The following HS6ST3 variants were observed in gnomAD, a reference collection of about 807,000 sequenced individuals.
The protein encoded by HS6ST3 is heparan sulfate 6-O-sulfotransferase 3.
In HS6ST3, 12 loss-of-function variants were observed where a neutral mutation model predicts 36.7. That is an observed-to-expected ratio of 0.33 (90% CI 0.21 to 0.53). HS6ST3 has a LOEUF of 0.53. Among genes scored for constraint, HS6ST3 ranks in the 20% least tolerant of loss-of-function variants. HS6ST3 has a pLI of 0.95. For synonymous variants in HS6ST3, 240 were observed against 257.5 expected (o/e 0.93, Z 0.65); for missense variants, 584 against 640.9 (o/e 0.91, Z 0.96).
At chr13:96,693,533 T>G (rs1278895807) in intron 1 of HS6ST3, among the ~76,000 whole-genome samples, 2 of 152,078 alleles carry the variant, frequency 1.3e-5, no homozygotes, top group Non-Finnish European at 2.9e-5. Flanking sequence ...GAACTCCTGA[T>G]CTCAAGTGAT....
intron 1 of HS6ST3, among the ~76,000 whole-genome samples, chr13:96,202,711 G>A (rs2054348985): frequency 6.6e-6 from 1 of 152,098 alleles, no homozygotes; most frequent in Non-Finnish European, 1.5e-5. Flanking sequence ...AAAATTTTAG[G>A]AACCCATCTC....
intron 1 of HS6ST3, among the ~76,000 whole-genome samples, chr13:96,720,066 C>A (rs960827428): frequency 1.3e-5 from 2 of 152,094 alleles, no homozygotes; most frequent in Non-Finnish European, 2.9e-5. Context: ...TCTTTGTTTC[C>A]CCACTCCTCC....
Position 96,177,927 on chromosome 13 carries a change from G to GAA in HS6ST3, c.707+86359_707+86360insAA, listed in dbSNP as rs1451094995. The stretch of plus-strand genomic sequence containing the variant: ...AAATAAACAATTGTGGTTTTAAAAT[G>GAA]ATCATTTATAGGACAATTCAACACT... On this transcript the variant is annotated intron_variant, in intron 1 of 1. Transcript: ENST00000376705. 2.0e-5 allele frequency among the ~76,000 whole-genome samples: 3 copies of GAA among 152,132 alleles called. No individual in the cohort carries two copies. In the East Asian group the frequency reaches 5.8e-4, roughly 29 times the overall value.
rs1220458028 is a variant in HS6ST3, at chr13:96,834,198, T to C, written c.*1000T>C. 6.6e-6 allele frequency: 1 copy of C among 152,228 alleles called. No individual in the cohort carries two copies. Among genetic ancestry groups the C allele is most frequent in the African/African-American group, 2.4e-5 (1 of 41,466 alleles). 9.4% of individuals were successfully genotyped at this position (152,228 alleles called of 1,614,324 possible). On this transcript the variant is annotated 3_prime_UTR_variant, in exon 2 of 2. Transcript: ENST00000376705. ...TGCCACCACAGAAAGAAAGATGTTT[T>C]TAAAAGCTTGGCCCAAAGAATAGGA...
chr13:96,568,330 G>T (rs186245859), intron 1 of HS6ST3, among the ~76,000 whole-genome samples: 1 of 152,202 alleles, frequency 6.6e-6, no homozygotes, highest in Admixed American at 6.5e-5. Flanking sequence ...TCAATGGCAC[G>T]ATCTCAGCTC....
chr13:96,160,640 T>C (rs2054131335), intron 1 of HS6ST3, among the ~76,000 whole-genome samples: 1 of 152,202 alleles, frequency 6.6e-6, no homozygotes, highest in South Asian at 2.1e-4. Context: ...GGGTTACCTA[T>C]TAGAAAATGA....
chr13:96,178,999 A>G (rs116409950), intron 1 of HS6ST3, among the ~76,000 whole-genome samples: 1,641 of 152,324 alleles, frequency 0.011, 33 homozygotes, highest in African/African-American at 0.038. Context: ...CATTTACTAA[A>G]ACAACACAGA....
intron 1 of HS6ST3, among the ~76,000 whole-genome samples, chr13:96,784,492 T>C (rs1417197830): frequency 6.6e-6 from 1 of 152,212 alleles, no homozygotes; most frequent in Non-Finnish European, 1.5e-5. Context: ...AGAATAGTGT[T>C]CAACAAGAGC....
At chr13:96,351,420 C>T (rs1364214456) in intron 1 of HS6ST3, among the ~76,000 whole-genome samples, 3 of 151,090 alleles carry the variant, frequency 2.0e-5, no homozygotes, top group Non-Finnish European at 2.9e-5. Flanking sequence ...CTACTGGGCT[C>T]AGGTGATCAG....
At chr13:96,383,762 A>G (rs2055353816) in intron 1 of HS6ST3, among the ~76,000 whole-genome samples, 2 of 152,260 alleles carry the variant, frequency 1.3e-5, no homozygotes, top group South Asian at 2.1e-4. Flanking sequence ...AGTGGCCAAG[A>G]GAGGGAAGCA....
intron 1 of HS6ST3, among the ~76,000 whole-genome samples, chr13:96,691,397 T>G (rs2138445352): frequency 6.6e-6 from 1 of 152,220 alleles, no homozygotes; most frequent in South Asian, 2.1e-4. Flanking sequence ...TCTTTTTTCT[T>G]ACCACTGGTA....
chr13:96,821,242 G>C (rs1483805518), intron 1 of HS6ST3, among the ~76,000 whole-genome samples: 2 of 152,190 alleles, frequency 1.3e-5, no homozygotes, highest in Non-Finnish European at 2.9e-5. Flanking sequence ...TCTGCTTCCT[G>C]TCCATCCCTG....
chr13:96,375,660 C>T lies in HS6ST3; in HGVS notation c.707+284091C>T, dbSNP rs980135200. ...TTGCTTATTAATATCTCTCAACAGG[C>T]GACAAAAGCCAATTAACATGTGCCA... On this transcript the variant is annotated intron_variant, in intron 1 of 1. Coordinates refer to ENST00000376705, the MANE Select transcript of HS6ST3 (RefSeq NM_153456.4). Among the ~76,000 whole-genome samples, 6 of 152,150 alleles carry T rather than the reference C, an allele frequency of 3.9e-5. No homozygotes were observed. The East Asian group carries it at 5.8e-4, about 15-fold the overall frequency.
At chr13:96,223,665 A>T (rs934626607) in intron 1 of HS6ST3, among the ~76,000 whole-genome samples, 15 of 151,442 alleles carry the variant, frequency 9.9e-5, no homozygotes, top group South Asian at 6.3e-4. Flanking sequence ...GGGGGGGGGA[A>T]GTTTTTGTCG....
chr13:96,752,622 TC>T (rs1826871999), intron 1 of HS6ST3, among the ~76,000 whole-genome samples: 1 of 152,194 alleles, frequency 6.6e-6, no homozygotes, highest in African/African-American at 2.4e-5. Flanking sequence ...CCTATTCATG[TC>T]TTCTGTTCAT....
At chr13:96,596,672 T>C (rs958567483) in intron 1 of HS6ST3, among the ~76,000 whole-genome samples, 10 of 151,872 alleles carry the variant, frequency 6.6e-5, no homozygotes, top group African/African-American at 2.4e-4. Flanking sequence ...TATTAAAAAG[T>C]CAAAAAAGAA....
chr13:96,396,406 C>T (rs2055421746), intron 1 of HS6ST3, among the ~76,000 whole-genome samples: 1 of 152,038 alleles, frequency 6.6e-6, no homozygotes, highest in Non-Finnish European at 1.5e-5. Flanking sequence ...CTTTCCAATT[C>T]TTCCCTTTGA....
intron 1 of HS6ST3, among the ~76,000 whole-genome samples, chr13:96,609,338 G>A (rs2056449679): frequency 6.6e-6 from 1 of 152,090 alleles, no homozygotes; most frequent in South Asian, 2.1e-4. Flanking sequence ...AAAATTACTA[G>A]ACAGCACCAA....
At chr13:96,133,708 C>T (rs558659674) in intron 1 of HS6ST3, among the ~76,000 whole-genome samples, 26 of 152,328 alleles carry the variant, frequency 1.7e-4, no homozygotes, top group Non-Finnish European at 2.9e-5. Context: ...CAGGTGTGAG[C>T]CACTCTGCCT....
Sources: gnomAD v4.1 joint callset for allele counts (sites outside exome capture counted in the v4.1 genomes callset) on GRCh38, gnomAD v4.1.1 for gene constraint, MANE v1.5 for transcripts, NCBI Gene and HGNC (gene_info 2026-07-23, HGNC 2026-07-21) for gene names.